FBP2: variants seen among roughly 807,000 people sequenced by gnomAD.
FBP2 encodes fructose-bisphosphatase 2, also known as fructose-1,6-bisphosphatase isozyme 2.
Under a neutral mutation model 31.6 loss-of-function variants are expected in FBP2, and 27 were observed. The ratio of observed to expected loss-of-function variants is 0.85; its 90% CI spans 0.63 to 1.18. The LOEUF (loss-of-function observed/expected upper bound fraction) is 1.18. FBP2 is among the 50% of genes most tolerant of loss of function. The probability of loss-of-function intolerance (pLI) is 0.00; values close to 1 mark genes in which losing one functional copy is unlikely to be tolerated. For missense variants in FBP2, 421 were observed against 436.1 expected (o/e 0.97, Z 0.31); for synonymous variants, 168 against 179.8 (o/e 0.93, Z 0.53).
At chr9:94,561,393 C>A (rs1482766344) in intron 6 of FBP2, among the ~76,000 whole-genome samples, 3 of 110,268 alleles carry the variant, frequency 2.7e-5, no homozygotes, top group African/African-American at 1.0e-4. Flanking sequence ...GATGGAATCT[C>A]ACTCTGTCAC....
At chr9:94,590,987 A>C (rs1827492491) in intron 1 of FBP2, among the ~76,000 whole-genome samples, 4 of 152,266 alleles carry the variant, frequency 2.6e-5, no homozygotes, top group Admixed American at 2.6e-4. Context: ...ACCTTGAGCT[A>C]AACACAGGGT....
chr9:94,591,418 G>GGGCT (rs917243652), intron 1 of FBP2, among the ~76,000 whole-genome samples: 1 of 152,228 alleles, frequency 6.6e-6, no homozygotes. Context: ...GGGGCCAGCA[G>GGGCT]GGCTGGCTGG....
Position 94,593,814 on chromosome 9 carries a change from A to T in FBP2, c.-88T>A. 6.9e-7 allele frequency: 1 copy of T among 1,458,300 alleles called. No homozygotes were observed. Among genetic ancestry groups the T allele is most frequent in the South Asian group, 1.3e-5 (1 of 77,436 alleles). The allele number at this position is 1,458,300 out of a possible 1,614,324, so 90.3% of individuals were successfully genotyped here. On this transcript the variant is annotated 5_prime_UTR_variant, in exon 1 of 7. Transcript: ENST00000375337. ...GCAGCTCCGCAGTGTGGAAGCCGAT[A>T]AGAAATCTGTGCTGGCCCTGCCAGG...
intron 4 of FBP2, chr9:94,569,896 A>G (rs571833646): frequency 7.2e-4 from 109 of 152,300 alleles, no homozygotes; most frequent in African/African-American, 2.6e-3. Context: ...TGCCTCCATA[A>G]GCTACTGGCC....
intron 6 of FBP2, among the ~76,000 whole-genome samples, chr9:94,560,575 T>G (rs536642519): frequency 1.3e-5 from 2 of 152,186 alleles, no homozygotes; most frequent in East Asian, 3.9e-4. Flanking sequence ...TACGAAATGG[T>G]TGACCCAGCT....
chr9:94,574,822 A>G (rs552037885), intron 3 of FBP2, among the ~76,000 whole-genome samples: 1 of 152,298 alleles, frequency 6.6e-6, no homozygotes, highest in Admixed American at 6.5e-5. Context: ...AGAATGGTTC[A>G]GTTTTTGTAT....
intron 4 of FBP2, chr9:94,569,494 G>C (rs992429489): frequency 2.0e-5 from 3 of 152,248 alleles, no homozygotes; most frequent in African/African-American, 7.2e-5. Context: ...CGCTCATTCT[G>C]CATCAGGGCG....
At chr9:94,572,515 C>T (rs2406666) in intron 3 of FBP2, among the ~76,000 whole-genome samples, 73,576 of 151,624 alleles carry the variant, frequency 0.49, 18,427 homozygotes, top group African/African-American at 0.61. Context: ...GGTCTTCCAG[C>T]GCTTGACGCC....
chr9:94,566,749 G>C (rs1028187370), intron 5 of FBP2, among the ~76,000 whole-genome samples: 1 of 152,172 alleles, frequency 6.6e-6, no homozygotes, highest in African/African-American at 2.4e-5. Flanking sequence ...TAAATTCCCA[G>C]TATCTCAGTT....
intron 3 of FBP2, chr9:94,577,715 C>T (rs977718459): frequency 6.6e-6 from 1 of 152,214 alleles, no homozygotes; most frequent in Non-Finnish European, 1.5e-5. Flanking sequence ...CCTTGGATTA[C>T]CTATCAGGGC....
At chr9:94,589,460 C>G (rs1182597305) in intron 1 of FBP2, among the ~76,000 whole-genome samples, 1 of 152,218 alleles carries the variant, frequency 6.6e-6, no homozygotes, top group Non-Finnish European at 1.5e-5. Context: ...CTTCCTGCTG[C>G]ATGACCTGCT....
chr9:94,568,544 A>G (rs1827227011), intron 4 of FBP2: 1 of 152,192 alleles, frequency 6.6e-6, no homozygotes, highest in South Asian at 2.1e-4. Context: ...TTGAGAGTGA[A>G]AAACTCCAAA....
At chr9:94,581,358 T>C (rs77205540) in intron 3 of FBP2, among the ~76,000 whole-genome samples, 1,869 of 152,346 alleles carry the variant, frequency 0.012, 43 homozygotes, top group African/African-American at 0.043. Context: ...TAAGTGCTAC[T>C]AGCCAAGCTC....
At chr9:94,590,978 C>A (rs1827492419) in intron 1 of FBP2, among the ~76,000 whole-genome samples, 1 of 152,228 alleles carries the variant, frequency 6.6e-6, no homozygotes, top group African/African-American at 2.4e-5. Context: ...CACTCACAAA[C>A]CTTGAGCTAA....
intron 4 of FBP2, chr9:94,568,261 C>T (rs1006399735): frequency 3.3e-5 from 5 of 152,092 alleles, no homozygotes; most frequent in Non-Finnish European, 5.9e-5. Context: ...CTGTGTTCAC[C>T]CAGCGTAAGG....
chr9:94,560,677 TTTTTTCTA>T (rs1161737026), intron 6 of FBP2, among the ~76,000 whole-genome samples: 2 of 148,798 alleles, frequency 1.3e-5, no homozygotes, highest in Admixed American at 6.7e-5. Flanking sequence ...TTATGGTAAT[TTTTTTCTA>T]TTTTTCTATT....
At position 94,587,298 on chromosome 9, in the gene FBP2, A is replaced by C; in HGVS notation, c.333+9T>G. The C allele has an allele frequency of 6.2e-7, 1 of 1,606,660 alleles. No individual in the cohort carries two copies. The highest frequency in any genetic ancestry group is 8.5e-7 in the Non-Finnish European group (1 of 1,177,804). ...ACTGGCGAGCGGGCACCGCAGCCCC[A>C]TGACGCACCCGCTTCTCCTTGGCGG... On this transcript the variant is annotated intron_variant, in intron 2 of 6. Transcript: ENST00000375337.
chr9:94,566,024 G>A (rs989448136), intron 5 of FBP2, among the ~76,000 whole-genome samples: 11 of 152,218 alleles, frequency 7.2e-5, no homozygotes, highest in African/African-American at 2.7e-4. Flanking sequence ...GCCCAGGAAA[G>A]TTCACCGTAG....
chr9:94,587,667 TGTC>T (rs1157233796), intron 1 of FBP2, among the ~76,000 whole-genome samples, 198 bp from the exon 2 acceptor site: 1 of 61,854 alleles, frequency 1.6e-5, no homozygotes, highest in East Asian at 3.1e-4. Context: ...TTGGAGTCGT[TGTC>T]ATATTTTCTT....
Sources: gnomAD v4.1 joint callset for allele counts (sites outside exome capture counted in the v4.1 genomes callset) on GRCh38, gnomAD v4.1.1 for gene constraint, MANE v1.5 for transcripts, NCBI Gene and HGNC (gene_info 2026-07-23, HGNC 2026-07-21) for gene names.